RBFOX1: variants seen among roughly 807,000 people sequenced by gnomAD.
The protein encoded by RBFOX1 is RNA binding fox-1 homolog 1.
RBFOX1 carries 8 observed loss-of-function variants against 57.7 expected under a neutral mutation model. The observed-to-expected ratio is 0.14, with a 90% confidence interval of 0.08 to 0.25. The LOEUF (loss-of-function observed/expected upper bound fraction) is 0.25, where lower values mean the gene tolerates loss of function less well. RBFOX1 is among the 10% of genes least tolerant of loss of function. The pLI is 1.00. For missense variants in RBFOX1, 611 were observed against 548.5 expected (o/e 1.11, Z -1.14); for synonymous variants, 326 against 222.4 (o/e 1.47, Z -4.15).
intron 3 of RBFOX1, among the ~76,000 whole-genome samples, chr16:6,749,958 C>T (rs530712785): frequency 1.6e-4 from 25 of 152,240 alleles, no homozygotes; most frequent in African/African-American, 4.6e-4. Context: ...TTAGTAGGCA[C>T]ACAAATGAAA....
At chr16:5,772,238 G>A (rs2054004114) in intron 3 of RBFOX1, among the ~76,000 whole-genome samples, 1 of 152,132 alleles carries the variant, frequency 6.6e-6, no homozygotes, top group East Asian at 1.9e-4. Flanking sequence ...GAGACTCACC[G>A]GTTGCCGGAA....
intron 2 of RBFOX1, among the ~76,000 whole-genome samples, chr16:6,642,179 G>T (rs904241643): frequency 2.0e-5 from 3 of 152,166 alleles, no homozygotes; most frequent in African/African-American, 7.2e-5. Context: ...TCCCAGGCTC[G>T]TACTTTCTCT....
intron 5 of RBFOX1, among the ~76,000 whole-genome samples, chr16:7,562,836 T>C (rs1427320914): frequency 1.3e-5 from 2 of 152,212 alleles, no homozygotes; most frequent in Non-Finnish European, 2.9e-5. Context: ...CTATGCCCAC[T>C]GTAGGTATAC....
chr16:5,720,318 C>T lies in RBFOX1; in HGVS notation c.318+121357C>T, dbSNP rs2051881770. The stretch of plus-strand genomic sequence containing the variant: ...TGAGAGTTGTTTATATGTTGTGGAT[C>T]CTAGTCCTTGATGAAATGTGTAATT... On this transcript the variant is annotated intron_variant, in intron 3 of 19. Transcript: ENST00000641259. Among the ~76,000 whole-genome samples the T allele has an allele frequency of 3.9e-5, 6 of 152,202 alleles. No individual in the cohort carries two copies. The South Asian group carries it at 1.2e-3, about 32-fold the overall frequency.
At chr16:5,905,867 C>G (rs559099147) in intron 4 of RBFOX1, among the ~76,000 whole-genome samples, 1 of 152,208 alleles carries the variant, frequency 6.6e-6, no homozygotes, top group African/African-American at 2.4e-5. Flanking sequence ...CCTCCGGAAG[C>G]CTTCCTAATT....
chr16:7,360,223 A>T (rs769287990), intron 4 of RBFOX1, among the ~76,000 whole-genome samples: 1 of 152,178 alleles, frequency 6.6e-6, no homozygotes. Context: ...TTGTAATTAC[A>T]TTTAATAAAC....
At chr16:6,802,153 C>T (rs936286366) in intron 3 of RBFOX1, among the ~76,000 whole-genome samples, 2 of 151,436 alleles carry the variant, frequency 1.3e-5, no homozygotes, top group African/African-American at 2.4e-5. Flanking sequence ...CAGGAAAGGC[C>T]TGGGCACAAT....
intron 4 of RBFOX1, among the ~76,000 whole-genome samples, chr16:7,178,726 G>A (rs190655751): frequency 1.0e-3 from 152 of 152,184 alleles, no homozygotes; most frequent in Admixed American, 4.6e-4. Flanking sequence ...ATCACATGCC[G>A]GACCTCAGAT....
At chr16:6,991,798 A>G (rs775241956) in intron 3 of RBFOX1, among the ~76,000 whole-genome samples, 2 of 152,060 alleles carry the variant, frequency 1.3e-5, no homozygotes, top group Non-Finnish European at 2.9e-5. Context: ...AGGCCTTCCA[A>G]AGTGCTGCTA....
In RBFOX1 at chr16:6,144,052, G is replaced by A. The variant is rs139568117; in HGVS notation, c.-127+124060G>A. The stretch of plus-strand genomic sequence containing the variant: ...GGCCTCCAGTGATCCTCTTGCCTCA[G>A]CCTCCCAAAATGTTGGGATTACAGG... On this transcript the variant is annotated intron_variant, in intron 1 of 15. Transcript: ENST00000550418. Among the ~76,000 whole-genome samples the A allele has an allele frequency of 7.6e-4, 115 of 151,482 alleles. 1 individual carries two copies. In the East Asian group the frequency reaches 0.02, roughly 26 times the overall value.
chr16:6,079,601 G>A (rs530467118), intron 1 of RBFOX1, among the ~76,000 whole-genome samples: 3 of 150,510 alleles, frequency 2.0e-5, no homozygotes, highest in African/African-American at 7.3e-5. Flanking sequence ...ACTCCTGGCT[G>A]TAAAAGTCCT....
intron 3 of RBFOX1, among the ~76,000 whole-genome samples, chr16:5,757,001 G>A (rs558416108): frequency 1.3e-5 from 2 of 152,240 alleles, no homozygotes; most frequent in African/African-American, 4.8e-5. Context: ...TAACACAATA[G>A]AAATTTACTA....
At chr16:5,674,859 G>A (rs151074886) in intron 3 of RBFOX1, among the ~76,000 whole-genome samples, 4 of 152,130 alleles carry the variant, frequency 2.6e-5, no homozygotes, top group African/African-American at 9.7e-5. Context: ...ATAGCACATT[G>A]TGGCTGAATA....
At chr16:6,850,867 A>C (rs899625116) in intron 3 of RBFOX1, among the ~76,000 whole-genome samples, 1 of 152,224 alleles carries the variant, frequency 6.6e-6, no homozygotes, top group African/African-American at 2.4e-5. Flanking sequence ...GCAATTGCAC[A>C]CTTGGGCATT....
chr16:5,426,098 C>T (rs1036099247), intron 1 of RBFOX1, among the ~76,000 whole-genome samples: 11 of 152,152 alleles, frequency 7.2e-5, no homozygotes, highest in Non-Finnish European at 1.5e-5. Flanking sequence ...ATCGATTTCA[C>T]ATTCAGGTGA....
chr16:5,401,286 T>C lies in RBFOX1; in HGVS notation c.220-65930T>C, dbSNP rs543944487. Reference sequence around the variant, plus strand: ...TCTAACTTGATTTTATTCCCATAAATATACAAGTTCCTAGAAACCGTTTTG... The same window carrying C: ...TCTAACTTGATTTTATTCCCATAAACATACAAGTTCCTAGAAACCGTTTTG... On this transcript the variant is annotated intron_variant, in intron 1 of 2. Transcript: ENST00000585867. 3.3e-5 allele frequency among the ~76,000 whole-genome samples: 5 copies of C among 152,342 alleles called. No individual in the cohort carries two copies. In the South Asian group the frequency reaches 8.3e-4, roughly 25 times the overall value.
At chr16:7,330,935 A>T (rs775149622) in intron 4 of RBFOX1, among the ~76,000 whole-genome samples, 1 of 152,108 alleles carries the variant, frequency 6.6e-6, no homozygotes, top group African/African-American at 2.4e-5. Flanking sequence ...TCATCGTCAA[A>T]AGCTAAAGTT....
intron 4 of RBFOX1, among the ~76,000 whole-genome samples, chr16:7,295,373 A>T (rs759786468): frequency 2.6e-5 from 4 of 152,166 alleles, no homozygotes; most frequent in Non-Finnish European, 5.9e-5. Flanking sequence ...AGAAGGAGGA[A>T]TGATGGTTTC....
chr16:7,180,018 T>C (rs964025488), intron 4 of RBFOX1, among the ~76,000 whole-genome samples: 14 of 152,034 alleles, frequency 9.2e-5, no homozygotes, highest in Admixed American at 3.9e-4. Context: ...GCTGGAAATA[T>C]AGGCTTGAGC....
Sources: allele counts gnomAD v4.1 joint callset (sites outside exome capture counted in the v4.1 genomes callset), GRCh38; gene constraint gnomAD v4.1.1; transcripts MANE v1.5; gene names NCBI Gene and HGNC (gene_info 2026-07-23, HGNC 2026-07-21).